The following CNTNAP2 variants were observed in gnomAD, a reference collection of about 807,000 sequenced individuals.
CNTNAP2 encodes contactin-associated protein-like 2.
Under a neutral mutation model 155.2 loss-of-function variants are expected in CNTNAP2, and 98 were observed. The observed-to-expected ratio is 0.63, with a 90% CI of 0.54 to 0.75. CNTNAP2 has a LOEUF of 0.75. Ranked by LOEUF, CNTNAP2 falls within the 30% of genes least tolerant of loss-of-function variation. The pLI, the probability that CNTNAP2 is intolerant of heterozygous loss-of-function variation, is 0.00. For missense variants in CNTNAP2, 1,727 were observed against 1,688.1 expected (o/e 1.02, Z -0.40); for synonymous variants, 651 against 631.2 (o/e 1.03, Z -0.47).
intron 2 of CNTNAP2, among the ~76,000 whole-genome samples, chr7:146,821,788 G>A (rs1803289320): frequency 6.6e-6 from 1 of 151,850 alleles, no homozygotes; most frequent in South Asian, 2.1e-4. Flanking sequence ...TCTCACACCA[G>A]TTAGAATGGC....
chr7:148,413,557 G>A (rs1799904935), intron 23 of CNTNAP2, among the ~76,000 whole-genome samples: 2 of 150,224 alleles, frequency 1.3e-5, no homozygotes, highest in Non-Finnish European at 3.0e-5. Flanking sequence ...AGAAAGATGT[G>A]TAGGATTGGT....
chr7:148,073,756 G>A (rs923343345), intron 15 of CNTNAP2, among the ~76,000 whole-genome samples: 1 of 151,658 alleles, frequency 6.6e-6, no homozygotes, highest in Admixed American at 6.6e-5. Flanking sequence ...GATCTGTGTA[G>A]TCTTCTTTTA....
At chr7:148,042,576 C>G (rs1248672571) in intron 15 of CNTNAP2, among the ~76,000 whole-genome samples, 10 of 152,176 alleles carry the variant, frequency 6.6e-5, no homozygotes, top group African/African-American at 2.4e-4. Context: ...GGTCTACCCT[C>G]TGTTGTTTTT....
chr7:146,139,885 G>T (rs1797853236), intron 1 of CNTNAP2, among the ~76,000 whole-genome samples: 1 of 152,078 alleles, frequency 6.6e-6, no homozygotes, highest in Non-Finnish European at 1.5e-5. Flanking sequence ...AGCACAATTT[G>T]GGGGGTATTT....
intron 21 of CNTNAP2, among the ~76,000 whole-genome samples, chr7:148,338,478 C>T (rs530910855): frequency 6.6e-6 from 1 of 151,996 alleles, no homozygotes; most frequent in Non-Finnish European, 1.5e-5. Context: ...TTCCCTCCCC[C>T]CACCCCGACC....
intron 17 of CNTNAP2, among the ~76,000 whole-genome samples, chr7:148,168,376 G>A (rs371966685): frequency 1.5e-4 from 23 of 152,142 alleles, no homozygotes; most frequent in African/African-American, 3.9e-4. Context: ...GGAATACTAC[G>A]CAGCCATAAA....
At chr7:146,431,895 A>G (rs1796178454) in intron 1 of CNTNAP2, among the ~76,000 whole-genome samples, 1 of 152,068 alleles carries the variant, frequency 6.6e-6, no homozygotes, top group Non-Finnish European at 1.5e-5. Context: ...TAGCTTTCGT[A>G]TGATCTGAGA....
At chr7:148,180,409 A>G (rs769309386) in intron 18 of CNTNAP2, among the ~76,000 whole-genome samples, 2 of 152,160 alleles carry the variant, frequency 1.3e-5, no homozygotes, top group Non-Finnish European at 2.9e-5. Flanking sequence ...ATTTAAAAGT[A>G]TCATGGTAAC....
rs192575612 is a variant in CNTNAP2, at chr7:146,292,904, G to T, written c.97+175931G>T. 1.9e-4 allele frequency among the ~76,000 whole-genome samples: 29 copies of T among 152,010 alleles called. No individual in the cohort carries two copies. In the East Asian group the frequency reaches 5.2e-3, roughly 27 times the overall value. On this transcript the variant is annotated intron_variant, in intron 1 of 23. Coordinates refer to ENST00000361727, the MANE Select transcript of CNTNAP2 (RefSeq NM_014141.6). Reference sequence around the variant, plus strand: ...GGGGAATGAGGAGTTAATGGTCAAGGGTACAAAGCTTTAATTACACAAGAG... The same window carrying T: ...GGGGAATGAGGAGTTAATGGTCAAGTGTACAAAGCTTTAATTACACAAGAG...
At chr7:146,814,583 T>C (rs190286374) in intron 2 of CNTNAP2, among the ~76,000 whole-genome samples, 348 of 152,302 alleles carry the variant, frequency 2.3e-3, no homozygotes, top group African/African-American at 8.2e-3. Context: ...GCTATAGAAC[T>C]AGACAATTAA....
chr7:148,405,153 G>T (rs1799669378), intron 22 of CNTNAP2, among the ~76,000 whole-genome samples: 1 of 152,098 alleles, frequency 6.6e-6, no homozygotes, highest in Non-Finnish European at 1.5e-5. Context: ...CCTGCCTCCT[G>T]TCCATATCAC....
chr7:146,595,386 A>G (rs1395497818), intron 1 of CNTNAP2, among the ~76,000 whole-genome samples: 1 of 152,078 alleles, frequency 6.6e-6, no homozygotes, highest in East Asian at 1.9e-4. Context: ...GGAAAAATAT[A>G]TAATAGTATG....
At chr7:148,269,903 C>T (rs575575733) in intron 21 of CNTNAP2, among the ~76,000 whole-genome samples, 29 of 152,266 alleles carry the variant, frequency 1.9e-4, no homozygotes, top group Middle Eastern at 3.4e-3. Flanking sequence ...TCAAAACAAA[C>T]GCTACACTAT....
At chr7:148,227,557 G>C (rs1002109724) in intron 19 of CNTNAP2, among the ~76,000 whole-genome samples, 1 of 152,270 alleles carries the variant, frequency 6.6e-6, no homozygotes, top group East Asian at 1.9e-4. Context: ...CTCAGCCAGG[G>C]AGCAGGCTCC....
chr7:146,836,703 T>C (rs1052191209), intron 2 of CNTNAP2, among the ~76,000 whole-genome samples: 1 of 152,188 alleles, frequency 6.6e-6, no homozygotes, highest in African/African-American at 2.4e-5. Flanking sequence ...CTTAACATGT[T>C]TAGCATTTTA....
intron 1 of CNTNAP2, among the ~76,000 whole-genome samples, chr7:146,417,045 C>G (rs1015122331): frequency 6.6e-6 from 1 of 152,068 alleles, no homozygotes; most frequent in Non-Finnish European, 1.5e-5. Context: ...TGGACTCACT[C>G]TCCATGTATA....
rs571492355 is a variant in CNTNAP2, at chr7:146,562,043, G to T, written c.98-212228G>T. On this transcript the variant is annotated intron_variant, in intron 1 of 23. Coordinates refer to ENST00000361727, the MANE Select transcript of CNTNAP2 (RefSeq NM_014141.6). ...GGGCTCAAGCAATCCTCCTGCCTTG[G>T]CCTCCCAAACTGCTGGGATTACAGC... is the stretch of plus-strand genomic sequence containing the variant. Among the ~76,000 whole-genome samples the T allele has an allele frequency of 9.5e-4, 144 of 152,110 alleles. 1 individual carries two copies. The Middle Eastern group carries it at 0.017, about 18-fold the overall frequency.
intron 10 of CNTNAP2, among the ~76,000 whole-genome samples, chr7:147,441,814 TC>T (rs1445520187): frequency 2.8e-4 from 3 of 10,790 alleles, no homozygotes; most frequent in African/African-American, 6.2e-4. Context: ...GTAGTCTCTT[TC>T]TCTCTCTCTC....
chr7:148,349,933 G>A (rs1208663157), intron 21 of CNTNAP2, among the ~76,000 whole-genome samples: 1 of 152,194 alleles, frequency 6.6e-6, no homozygotes, highest in Non-Finnish European at 1.5e-5. Flanking sequence ...CCAATTTAGC[G>A]AGAGGGCCTC....
Sources: gnomAD v4.1 joint callset for allele counts (sites outside exome capture counted in the v4.1 genomes callset) on GRCh38, gnomAD v4.1.1 for gene constraint, MANE v1.5 for transcripts, NCBI Gene and HGNC (gene_info 2026-07-23, HGNC 2026-07-21) for gene names.